Variants in POU6F2 observed in about 807,000 individuals in gnomAD.
The protein encoded by POU6F2 is POU class 6 homeobox 2, also known as POU domain, class 6, transcription factor 2.
A neutral mutation model predicts 71.3 loss-of-function variants in POU6F2; 31 were observed. The observed-to-expected ratio is 0.43, with a 90% CI of 0.33 to 0.59. The LOEUF (loss-of-function observed/expected upper bound fraction) is 0.59. Ranked by LOEUF, POU6F2 falls within the 20% of genes least tolerant of loss-of-function variation. The pLI is 0.04. For missense variants in POU6F2, 783 were observed against 856.8 expected, an observed-to-expected ratio of 0.91 and a Z score of 1.07; for synonymous variants, 347 against 355.7, an observed-to-expected ratio of 0.98 and a Z score of 0.27.
rs1458311629 is a variant in POU6F2 at position 38,979,427 on chromosome 7, C to CTA, written c.105+1369_105+1370insTA. Among the ~76,000 whole-genome samples, 27 of 152,198 alleles carry CTA rather than the reference C, an allele frequency of 1.8e-4. No homozygotes were observed. In the East Asian group the frequency reaches 5.2e-3, roughly 29 times the overall value. ...ATGGAAAATGTCAAATACATAATAC[C>CTA]ATGTTTTCACAGGCTCACACTATTT... On this transcript the variant is annotated intron_variant, in intron 1 of 9. Transcript: ENST00000518318.
At chr7:39,032,684 C>T (rs1400711072) in intron 1 of POU6F2, among the ~76,000 whole-genome samples, 7 of 152,210 alleles carry the variant, frequency 4.6e-5, no homozygotes, top group Admixed American at 4.6e-4. Flanking sequence ...TTTGTTTGAT[C>T]TGCGTATTGC....
intron 1 of POU6F2, chr7:39,012,969 T>G (rs1237030041): frequency 6.6e-6 from 1 of 152,308 alleles, no homozygotes; most frequent in Non-Finnish European, 1.5e-5. Flanking sequence ...AGGTTACTAC[T>G]GCTGTCTTTT....
At chr7:39,095,324 T>C (rs989831746) in intron 2 of POU6F2, among the ~76,000 whole-genome samples, 1 of 152,208 alleles carries the variant, frequency 6.6e-6, no homozygotes, top group Non-Finnish European at 1.5e-5. Flanking sequence ...CCATTAATTA[T>C]ATCCTGTACT....
chr7:39,098,295 T>C (rs973178471), intron 2 of POU6F2, among the ~76,000 whole-genome samples: 5 of 152,132 alleles, frequency 3.3e-5, no homozygotes, highest in African/African-American at 7.2e-5. Flanking sequence ...ATTATTTTTC[T>C]GAGACAAGGT....
Position 39,460,736 on chromosome 7 carries a change from G to A in POU6F2, c.1658+21G>A. On this transcript the variant is annotated intron_variant, in intron 9 of 9. Transcript: ENST00000518318. This position sits in a 1 kb window ranked among gnomAD's most constrained non-coding sequence, Gnocchi z 4.4. ...TGCAGGTAACGCGCGCCTGCATGCT[G>A]TCACCTCTTCTAGCCGCCCTGGGCC... is the stretch of plus-strand genomic sequence containing the variant. 1.3e-6 allele frequency: 2 copies of A among 1,562,632 alleles called. No individual in the cohort carries two copies. Among genetic ancestry groups the A allele is most frequent in the Non-Finnish European group, 1.7e-6 (2 of 1,153,506 alleles).
intron 4 of POU6F2, among the ~76,000 whole-genome samples, chr7:39,324,039 C>T (rs1251825395): frequency 6.8e-6 from 1 of 147,854 alleles, no homozygotes; most frequent in Non-Finnish European, 1.5e-5. Context: ...ACCCTGGAGG[C>T]GGAGCTTGCA....
intron 1 of POU6F2, chr7:39,034,388 G>C (rs913901667): frequency 3.5e-5 from 11 of 312,004 alleles, no homozygotes; most frequent in Middle Eastern, 4.2e-4. Flanking sequence ...TAGGAGAGAG[G>C]GGGGAGGCAG....
At chr7:39,451,796 C>A in intron 8 of POU6F2, 95 bp downstream of exon 8, 1 of 1,371,824 alleles carries the variant, frequency 7.3e-7, no homozygotes, top group Non-Finnish European at 1.0e-6. Flanking sequence ...CTCTCTCTTG[C>A]TCTCTCTTTC....
chr7:38,996,288 G>T (rs1003324725), intron 1 of POU6F2, among the ~76,000 whole-genome samples: 1 of 151,624 alleles, frequency 6.6e-6, no homozygotes, highest in Admixed American at 6.6e-5. Context: ...TGATCTGCCC[G>T]CCTCGGCCTC....
At chr7:39,006,521 AC>A (rs1562665238) in intron 1 of POU6F2, among the ~76,000 whole-genome samples, 1 of 152,110 alleles carries the variant, frequency 6.6e-6, no homozygotes, top group Non-Finnish European at 1.5e-5. Context: ...AGAACAATGT[AC>A]CTACAAGCCA....
intron 1 of POU6F2, among the ~76,000 whole-genome samples, chr7:39,036,635 A>G (rs1308899420): frequency 2.0e-5 from 3 of 151,724 alleles, no homozygotes; most frequent in South Asian, 2.1e-4. Flanking sequence ...TGTGAAAGGA[A>G]TACAATGCTT....
intron 6 of POU6F2, among the ~76,000 whole-genome samples, chr7:39,411,542 A>G (rs1054554508): frequency 1.3e-5 from 2 of 152,188 alleles, no homozygotes; most frequent in Non-Finnish European, 2.9e-5. Flanking sequence ...AGGGGGGGGA[A>G]GTCAACTAAA....
At chr7:39,208,714 A>G (rs567942671) in intron 4 of POU6F2, among the ~76,000 whole-genome samples, 2 of 152,298 alleles carry the variant, frequency 1.3e-5, no homozygotes, top group Admixed American at 6.5e-5. Flanking sequence ...GTGCCAAGAA[A>G]CCTGCCATTC....
At chr7:39,228,129 C>T (rs1794506277) in intron 4 of POU6F2, among the ~76,000 whole-genome samples, 1 of 152,190 alleles carries the variant, frequency 6.6e-6, no homozygotes, top group South Asian at 2.1e-4. Flanking sequence ...CCTAAATACA[C>T]ATACACAAAT....
chr7:39,231,777 T>G (rs541344593), intron 4 of POU6F2, among the ~76,000 whole-genome samples: 1 of 150,064 alleles, frequency 6.7e-6, no homozygotes, highest in East Asian at 2.0e-4. Context: ...TGAATGACTG[T>G]GTGCGCCCCA....
intron 2 of POU6F2, among the ~76,000 whole-genome samples, chr7:39,203,698 T>C (rs1317225033): frequency 2.6e-5 from 4 of 152,316 alleles, no homozygotes; most frequent in African/African-American, 9.6e-5. Flanking sequence ...GGACACTTGC[T>C]TGGGGAGAGC....
intron 4 of POU6F2, among the ~76,000 whole-genome samples, chr7:39,240,066 T>C (rs1022748373): frequency 7.9e-5 from 12 of 152,138 alleles, no homozygotes; most frequent in African/African-American, 2.7e-4. Flanking sequence ...AAAGGAGTTT[T>C]ATTTAGTGCT....
At chr7:39,152,115 G>A (rs1792773478) in intron 2 of POU6F2, among the ~76,000 whole-genome samples, 1 of 152,072 alleles carries the variant, frequency 6.6e-6, no homozygotes, top group South Asian at 2.1e-4. Context: ...GTTTTAGTTG[G>A]GTAGGGCTTT....
chr7:39,097,973 G>A (rs1791487290), intron 2 of POU6F2, among the ~76,000 whole-genome samples: 1 of 152,172 alleles, frequency 6.6e-6, no homozygotes, highest in Admixed American at 6.5e-5. Context: ...CAAAAAGTAG[G>A]GAAGAAGAAA....
Sources: gnomAD v4.1 joint callset for allele counts (sites outside exome capture counted in the v4.1 genomes callset) on GRCh38, gnomAD v4.1.1 for gene constraint, Gnocchi (gnomAD v3.1) non-coding constraint, MANE v1.5 for transcripts, NCBI Gene and HGNC (gene_info 2026-07-23, HGNC 2026-07-21) for gene names.